LIN52: variants seen among roughly 807,000 people sequenced by gnomAD.
LIN52 encodes lin-52 DREAM MuvB core complex component, also known as protein lin-52 homolog.
LIN52 carries 4 observed loss-of-function variants against 18.5 expected under a neutral mutation model. That is an observed-to-expected ratio of 0.22 (90% CI 0.11 to 0.49). The LOEUF is 0.49. Among genes scored for constraint, LIN52 ranks in the 20% least tolerant of loss-of-function variants. The probability of loss-of-function intolerance (pLI) is 0.97; values close to 1 mark genes in which losing one functional copy is unlikely to be tolerated. For synonymous variants in LIN52, 34 were observed against 45.5 expected, an observed-to-expected ratio of 0.75 and a Z score of 1.02; for missense variants, 102 against 139.5, an observed-to-expected ratio of 0.73 and a Z score of 1.35.
intron 5 of LIN52, among the ~76,000 whole-genome samples, chr14:74,121,880 G>A (rs1042838705): frequency 6.6e-6 from 1 of 151,926 alleles, no homozygotes; most frequent in Admixed American, 6.6e-5. Flanking sequence ...CGCACACCAC[G>A]CGTGGCTAAT....
At chr14:74,087,381 A>T (rs2060740129) in intron 1 of LIN52, among the ~76,000 whole-genome samples, 2 of 144,088 alleles carry the variant, frequency 1.4e-5, no homozygotes, top group South Asian at 4.4e-4. Flanking sequence ...ACGCCACTGC[A>T]CTCCAGCCTG....
intron 1 of LIN52, among the ~76,000 whole-genome samples, chr14:74,089,714 A>T (rs2060759455): frequency 6.6e-6 from 1 of 152,142 alleles, no homozygotes; most frequent in Non-Finnish European, 1.5e-5. Context: ...TCAAATAACC[A>T]CTTGGACATA....
chr14:74,143,915 T>C (rs2061143425), intron 5 of LIN52, among the ~76,000 whole-genome samples: 1 of 152,128 alleles, frequency 6.6e-6, no homozygotes, highest in South Asian at 2.1e-4. Flanking sequence ...GACCAAACTT[T>C]CCTCATCCTC....
At chr14:74,116,712 A>G (rs1044930207) in intron 5 of LIN52, among the ~76,000 whole-genome samples, 1 of 151,002 alleles carries the variant, frequency 6.6e-6, no homozygotes, top group African/African-American at 2.4e-5. Context: ...ATGTCTCTAA[A>G]AAAAAAAAAA....
intron 4 of LIN52, among the ~76,000 whole-genome samples, chr14:74,100,500 G>A (rs1330021011): frequency 6.6e-6 from 1 of 151,574 alleles, no homozygotes; most frequent in Non-Finnish European, 1.5e-5. Flanking sequence ...TTTTGAGAAG[G>A]AATCTCACTT....
intron 5 of LIN52, among the ~76,000 whole-genome samples, chr14:74,175,281 T>A (rs907230398): frequency 9.9e-5 from 15 of 152,026 alleles, no homozygotes; most frequent in African/African-American, 3.1e-4. Flanking sequence ...ATTTTTTTTT[T>A]AACTTTTTAA....
intron 5 of LIN52, among the ~76,000 whole-genome samples, chr14:74,111,232 TC>T (rs1392221204): frequency 5.3e-5 from 8 of 152,136 alleles, no homozygotes; most frequent in African/African-American, 1.9e-4. Context: ...TCTAAACAGT[TC>T]TTTTGATTTG....
intron 5 of LIN52, among the ~76,000 whole-genome samples, chr14:74,130,278 G>GTTTTGTTTTTTT (rs2061055066): frequency 1.5e-5 from 1 of 64,842 alleles, no homozygotes; most frequent in Non-Finnish European, 2.8e-5. Flanking sequence ...GCATTTTTTG[G>GTTTTGTTTTTTT]TTTTTTTTTT....
intron 5 of LIN52, among the ~76,000 whole-genome samples, chr14:74,130,588 ATT>A (rs34746271): frequency 9.6e-5 from 7 of 72,956 alleles, no homozygotes; most frequent in South Asian, 5.6e-4. Context: ...TAAATTGGCC[ATT>A]TTTTTTTTTT....
At chr14:74,159,380 T>G (rs1032951639) in intron 5 of LIN52, among the ~76,000 whole-genome samples, 1 of 152,158 alleles carries the variant, frequency 6.6e-6, no homozygotes, top group African/African-American at 2.4e-5. Context: ...CAGCAAAATA[T>G]CTCCTGCCTG....
intron 4 of LIN52, 48 bp from the exon 5 acceptor site, chr14:74,101,107 A>C: frequency 6.7e-7 from 1 of 1,487,668 alleles, no homozygotes; most frequent in Non-Finnish European, 9.3e-7. Flanking sequence ...AGTTGCTACT[A>C]GAGAAGAGTG....
intron 5 of LIN52, among the ~76,000 whole-genome samples, chr14:74,133,102 TAC>T (rs1350967284): frequency 6.6e-6 from 1 of 152,200 alleles, no homozygotes; most frequent in East Asian, 1.9e-4. Flanking sequence ...CCTATGGAGA[TAC>T]ACAAAGATTA....
intron 5 of LIN52, among the ~76,000 whole-genome samples, chr14:74,144,295 T>C (rs1008013334): frequency 7.5e-4 from 114 of 151,594 alleles, no homozygotes; most frequent in African/African-American, 2.8e-3. Context: ...TTTTTTTTAA[T>C]TGGAGCCATG....
intron 5 of LIN52, among the ~76,000 whole-genome samples, chr14:74,134,715 A>G (rs1021097208): frequency 1.3e-5 from 2 of 152,264 alleles, no homozygotes; most frequent in Admixed American, 1.3e-4. Flanking sequence ...TGGGCCAGCT[A>G]GAGTTAAGGT....
At chr14:74,093,623 G>T (rs72627155) in intron 2 of LIN52, among the ~76,000 whole-genome samples, 26,234 of 151,942 alleles carry the variant, frequency 0.17, 2,767 homozygotes, top group East Asian at 0.58. Context: ...ACTGCACCTG[G>T]CCCACTCTTA....
At chr14:74,111,606 GTATTTATTTATT>G (rs3082883) in intron 5 of LIN52, among the ~76,000 whole-genome samples, 2,720 of 138,088 alleles carry the variant, frequency 0.02, 88 homozygotes, top group African/African-American at 0.067. Context: ...CCTGCCCCTG[GTATTTATTTATT>G]TATTTATTTA....
At chr14:74,088,596 TTTAA>T (rs2060751045) in intron 1 of LIN52, among the ~76,000 whole-genome samples, 1 of 152,230 alleles carries the variant, frequency 6.6e-6, no homozygotes, top group Admixed American at 6.5e-5. Context: ...TTTTGGATGC[TTTAA>T]TTAAGGCAAT....
chr14:74,111,144 C>T (rs1373076141), intron 5 of LIN52, among the ~76,000 whole-genome samples: 4 of 152,188 alleles, frequency 2.6e-5, no homozygotes, highest in Non-Finnish European at 5.9e-5. Context: ...TGGTACTAGA[C>T]TTCTCCACCC....
At chr14:74,101,101 G>T in intron 4 of LIN52, 54 bp from the exon 5 acceptor site, 1 of 1,421,610 alleles carries the variant, frequency 7.0e-7, no homozygotes. Context: ...CAAGGAAGTT[G>T]CTACTAGAGA....
Sources: gnomAD v4.1 joint callset for allele counts (sites outside exome capture counted in the v4.1 genomes callset) on GRCh38, gnomAD v4.1.1 for gene constraint, MANE v1.5 for transcripts, NCBI Gene and HGNC (gene_info 2026-07-23, HGNC 2026-07-21) for gene names.